The following DLG2 variants were observed in gnomAD, a reference collection of about 807,000 sequenced individuals.
DLG2 encodes the protein discs large MAGUK scaffold protein 2.
In DLG2, 45 loss-of-function variants were observed where a neutral mutation model predicts 132.5. The observed-to-expected ratio is 0.34, with a 90% CI of 0.27 to 0.44. The LOEUF (loss-of-function observed/expected upper bound fraction) is 0.44. DLG2 is among the 20% of genes least tolerant of loss of function. DLG2 has a pLI of 1.00. For missense variants in DLG2, 1,045 were observed against 1,196.9 expected, an observed-to-expected ratio of 0.87 and a Z score of 1.87; for synonymous variants, 424 against 419.6, an observed-to-expected ratio of 1.01 and a Z score of -0.13.
chr11:83,628,713 T>C (rs2063047885), intron 19 of DLG2, among the ~76,000 whole-genome samples: 4 of 152,114 alleles, frequency 2.6e-5, no homozygotes, highest in Admixed American at 2.0e-4. Context: ...ACACCAAGGG[T>C]CTAAGGATCC....
At chr11:85,620,451 C>T (rs575177637) in intron 2 of DLG2, among the ~76,000 whole-genome samples, 4 of 152,252 alleles carry the variant, frequency 2.6e-5, no homozygotes, top group African/African-American at 9.6e-5. Flanking sequence ...AATGATTAAG[C>T]TTAGTGAGGA....
rs1157207533 is a variant in DLG2 at position 84,941,973 on chromosome 11, A to G, written c.357+169688T>C. On this transcript the variant is annotated intron_variant, in intron 6 of 27. Transcript: ENST00000376104. ...GGGTTTTAGATTTCTCCATGGTTCA[A>G]TCTGGATAGGTTGTATCTGTCTAGG... Among the ~76,000 whole-genome samples, 3 of 152,192 alleles carry G rather than the reference A, an allele frequency of 2.0e-5. No individual in the cohort carries two copies. The East Asian group carries it at 5.8e-4, about 29-fold the overall frequency.
chr11:85,121,776 T>G (rs1240233170), intron 5 of DLG2, among the ~76,000 whole-genome samples: 1 of 152,222 alleles, frequency 6.6e-6, no homozygotes, highest in African/African-American at 2.4e-5. Context: ...ACTGAATAGT[T>G]TCTCCATCAG....
chr11:85,306,312 T>C (rs565185313), intron 3 of DLG2, among the ~76,000 whole-genome samples: 9 of 152,296 alleles, frequency 5.9e-5, no homozygotes, highest in African/African-American at 2.2e-4. Context: ...GTACTTTGGA[T>C]ACAGCAAAGA....
At chr11:85,145,277 G>T (rs1021129008) in intron 5 of DLG2, among the ~76,000 whole-genome samples, 1 of 151,906 alleles carries the variant, frequency 6.6e-6, no homozygotes, top group Non-Finnish European at 1.5e-5. Context: ...TAGCCTTTGG[G>T]AATTTGATTA....
At chr11:85,542,615 T>C (rs891069056) in intron 3 of DLG2, among the ~76,000 whole-genome samples, 1 of 152,236 alleles carries the variant, frequency 6.6e-6, no homozygotes, top group Non-Finnish European at 1.5e-5. Context: ...TTGTTGGCTC[T>C]GGGTTTTAAA....
chr11:85,174,415 G>C (rs1446742139), intron 4 of DLG2, among the ~76,000 whole-genome samples: 1 of 152,094 alleles, frequency 6.6e-6, no homozygotes, highest in Non-Finnish European at 1.5e-5. Flanking sequence ...GAAGTTCTTT[G>C]AAACAAATGA....
intron 9 of DLG2, among the ~76,000 whole-genome samples, chr11:84,127,496 G>A (rs1595783738): frequency 6.6e-6 from 1 of 152,194 alleles, no homozygotes; most frequent in Non-Finnish European, 1.5e-5. Flanking sequence ...TGAGGGCTAT[G>A]AGAAATGATC....
chr11:84,679,374 G>T (rs1252237856), intron 6 of DLG2, among the ~76,000 whole-genome samples: 1 of 151,984 alleles, frequency 6.6e-6, no homozygotes, highest in East Asian at 1.9e-4. Flanking sequence ...TTCCAGTTGA[G>T]GTTTTACAAA....
chr11:85,160,052 G>C (rs946048513), intron 4 of DLG2, among the ~76,000 whole-genome samples: 1 of 152,186 alleles, frequency 6.6e-6, no homozygotes, highest in African/African-American at 2.4e-5. Context: ...GTGTCCAGTG[G>C]TGTGGGGCCT....
At chr11:85,405,448 G>A (rs993023635) in intron 3 of DLG2, among the ~76,000 whole-genome samples, 4 of 151,840 alleles carry the variant, frequency 2.6e-5, no homozygotes, top group African/African-American at 9.7e-5. Context: ...AGAAAATCAA[G>A]GTTTACATGG....
At chr11:84,977,927 T>C (rs1385152081) in intron 6 of DLG2, among the ~76,000 whole-genome samples, 1 of 152,204 alleles carries the variant, frequency 6.6e-6, no homozygotes, top group East Asian at 1.9e-4. Context: ...TACTCTTCCA[T>C]AGGTACTGGA....
At chr11:84,750,621 ACT>A (rs1326324956) in intron 6 of DLG2, among the ~76,000 whole-genome samples, 3 of 152,174 alleles carry the variant, frequency 2.0e-5, no homozygotes, top group Non-Finnish European at 2.9e-5. Flanking sequence ...GACATAATTA[ACT>A]CTGCTGAGAG....
Position 84,913,007 on chromosome 11 carries a change from A to G in DLG2, c.357+198654T>C, listed in dbSNP as rs113942656. 4.9e-3 allele frequency among the ~76,000 whole-genome samples: 748 copies of G among 152,330 alleles called. 2 individuals carry two copies. The highest frequency in any genetic ancestry group is 0.014 in the Middle Eastern group (4 of 294). On this transcript the variant is annotated intron_variant, in intron 6 of 27. Transcript: ENST00000376104. ...GTTTCCCGGGGCAACACAGTGAGAA[A>G]AAATGAGAGCCTCCACTGAGGAAAG...
At chr11:83,903,900 A>G (rs1381813915) in intron 15 of DLG2, among the ~76,000 whole-genome samples, 1 of 152,134 alleles carries the variant, frequency 6.6e-6, no homozygotes, top group Non-Finnish European at 1.5e-5. Flanking sequence ...AATGGACCCT[A>G]CAAATACTGT....
intron 7 of DLG2, among the ~76,000 whole-genome samples, chr11:84,498,674 A>C (rs1248908669): frequency 6.6e-6 from 1 of 152,210 alleles, no homozygotes; most frequent in Non-Finnish European, 1.5e-5. Flanking sequence ...GATATCTATG[A>C]AGTGCTGAGG....
intron 6 of DLG2, among the ~76,000 whole-genome samples, chr11:84,908,601 C>A (rs1029724557): frequency 6.6e-6 from 1 of 151,898 alleles, no homozygotes; most frequent in African/African-American, 2.4e-5. Flanking sequence ...TGAGTAGTAA[C>A]ATTGCCCTTA....
At chr11:85,015,427 A>G (rs2154137245) in intron 6 of DLG2, among the ~76,000 whole-genome samples, 1 of 151,846 alleles carries the variant, frequency 6.6e-6, no homozygotes, top group African/African-American at 2.4e-5. Context: ...AAAAAAAAAA[A>G]AACTTGGCAA....
At chr11:84,426,106 G>T (rs1342020580) in intron 7 of DLG2, among the ~76,000 whole-genome samples, 1 of 152,106 alleles carries the variant, frequency 6.6e-6, no homozygotes, top group Non-Finnish European at 1.5e-5. Context: ...TTAAATGAAA[G>T]AGGAACTTAG....
Sources: allele counts gnomAD v4.1 joint callset (sites outside exome capture counted in the v4.1 genomes callset), GRCh38; gene constraint gnomAD v4.1.1; transcripts MANE v1.5; gene names NCBI Gene and HGNC (gene_info 2026-07-23, HGNC 2026-07-21).